Variants in GRM4 observed in about 807,000 individuals in gnomAD.
The protein encoded by GRM4 is metabotropic glutamate receptor 4.
In GRM4, 28 loss-of-function variants were observed where a neutral mutation model predicts 81.7. The observed-to-expected ratio is 0.34, with a 90% CI of 0.25 to 0.47. The LOEUF (loss-of-function observed/expected upper bound fraction) is 0.47. GRM4 is among the 20% of genes least tolerant of loss of function. The probability of loss-of-function intolerance (pLI) is 1.00; values close to 1 mark genes in which losing one functional copy is unlikely to be tolerated. For missense variants in GRM4, 948 were observed against 1,290.0 expected (o/e 0.73, Z 4.06); for synonymous variants, 488 against 528.8 (o/e 0.92, Z 1.06).
At position 34,152,901 on chromosome 6, in the gene GRM4, G is replaced by A. The variant is rs1358863781; in HGVS notation, c.312+2178C>T. 6.6e-6 allele frequency among the ~76,000 whole-genome samples: 1 copy of A among 152,088 alleles called. No homozygotes were observed. Among genetic ancestry groups the A allele is most frequent in the Non-Finnish European group, 1.5e-5 (1 of 68,002 alleles). On this transcript the variant is annotated intron_variant, in intron 1 of 8. Transcript: ENST00000374177. This position sits in a 1 kb window ranked among gnomAD's most constrained non-coding sequence, Gnocchi z 4.1. ...GGGCATCTCAGGAGGGCCAGGGCCTGCAGAGACCCAGGCTGGGGGTGGAGT... is the reference window on the plus strand; with the variant it reads ...GGGCATCTCAGGAGGGCCAGGGCCTACAGAGACCCAGGCTGGGGGTGGAGT...
rs34256571 is a variant in GRM4, at chr6:34,070,792, CCACACACA to C, written c.737-8772_737-8765del. On this transcript the variant is annotated intron_variant, in intron 3 of 10. Transcript: ENST00000538487. The surrounding 1 kb of genome is among the most constrained non-coding windows in gnomAD (Gnocchi z 4.6). ...CACCACACCCCCGCCACACCCCCAG[CCACACACA>C]CACACACACACACACACACGGCAAT... is the stretch of plus-strand genomic sequence containing the variant. 5.2e-5 allele frequency among the ~76,000 whole-genome samples: 7 copies of C among 135,400 alleles called. No homozygotes were observed. The highest frequency in any genetic ancestry group is 2.2e-4 in the East Asian group (1 of 4,514). The allele number at this position is 135,400 out of a possible 152,430, so 88.8% of individuals were successfully genotyped here.
At chr6:34,154,984 G>T in intron 1 of GRM4, 1 of 1,068,544 alleles carries the variant, frequency 9.4e-7, no homozygotes, top group Non-Finnish European at 1.3e-6. Flanking sequence ...GCGGGTCCGA[G>T]CGGGACCCAG....
chr6:34,053,674 C>A (rs374068861), intron 6 of GRM4, among the ~76,000 whole-genome samples: 57 of 152,350 alleles, frequency 3.7e-4, no homozygotes, highest in East Asian at 3.1e-3. Flanking sequence ...CCCTTCCCTC[C>A]AAGCCAGAGG....
Position 34,133,630 on chromosome 6 carries a change from C to T in GRM4, c.-134G>A. On this transcript the variant is annotated 5_prime_UTR_variant, in exon 2 of 11. An upstream open reading frame in the 5' UTR gains an earlier in-frame stop. Transcript: ENST00000538487. The surrounding 1 kb of genome is among the most constrained non-coding windows in gnomAD (Gnocchi z 6.5). ...GACTGAGGGCAGCCAACCGCGTAGC[C>T]CATGCTGCTACCCTCTCCCACCTCC... is the stretch of plus-strand genomic sequence containing the variant. 1 of 1,437,330 alleles carries T rather than the reference C, an allele frequency of 7.0e-7. No homozygotes were observed. The highest frequency in any genetic ancestry group is 9.1e-7 in the Non-Finnish European group (1 of 1,101,820). The allele number at this position is 1,437,330 out of a possible 1,614,324, so 89.0% of individuals were successfully genotyped here. A position where few individuals can be genotyped will look rare whatever the true frequency, so the allele number is the denominator to read the frequency against.
At position 34,070,014 on chromosome 6, in the gene GRM4, C is replaced by T. The variant is rs568680544; in HGVS notation, c.737-7986G>A. Among the ~76,000 whole-genome samples the T allele has an allele frequency of 8.5e-5, 13 of 152,266 alleles. No individual in the cohort carries two copies. Among genetic ancestry groups the T allele is most frequent in the South Asian group, 8.3e-4 (4 of 4,824 alleles). On this transcript the variant is annotated intron_variant, in intron 3 of 10. Transcript: ENST00000538487. This position sits in a 1 kb window ranked among gnomAD's most constrained non-coding sequence, Gnocchi z 4.6. ...ACGGCGGTAATCCACACTTGCTGGA[C>T]GAATGGAGAACTGAGTTCCTGACTG...
At position 34,033,704 on chromosome 6, in the gene GRM4, T is replaced by G. The variant is rs574324772; in HGVS notation, c.2442+1964A>C. Among the ~76,000 whole-genome samples, 34 of 151,960 alleles carry G rather than the reference T, an allele frequency of 2.2e-4. No homozygotes were observed. The South Asian group carries it at 6.7e-3, about 30-fold the overall frequency. ...CTTTCTCTCTCTCTCTCTCTTTCTCTTTCTTTCTCTCTCCCTCTCTCTCTC... is the reference window on the plus strand; with the variant it reads ...CTTTCTCTCTCTCTCTCTCTTTCTCGTTCTTTCTCTCTCCCTCTCTCTCTC... On this transcript the variant is annotated intron_variant, in intron 9 of 10. Coordinates refer to ENST00000538487, the MANE Select transcript of GRM4 (RefSeq NM_000841.4).
chr6:34,074,397 A>T lies in GRM4; in HGVS notation c.737-12369T>A, dbSNP rs1394085597. ...CCCTAGGGGATATTTTGGGGTGTGG[A>T]GGAGGATGCAGGCCTTGGAGGACCT... On this transcript the variant is annotated intron_variant, in intron 3 of 10. Transcript: ENST00000538487. The surrounding 1 kb of genome is among the most constrained non-coding windows in gnomAD (Gnocchi z 4.9). Among the ~76,000 whole-genome samples the T allele has an allele frequency of 1.3e-5, 2 of 152,146 alleles. No homozygotes were observed. Among genetic ancestry groups the T allele is most frequent in the Non-Finnish European group, 2.9e-5 (2 of 68,006 alleles).
rs995303396 is a variant in GRM4, at chr6:34,080,238, G to A, written c.736+11645C>T. 1.5e-4 allele frequency among the ~76,000 whole-genome samples: 23 copies of A among 152,200 alleles called. No individual in the cohort carries two copies. Among genetic ancestry groups the A allele is most frequent in the African/African-American group, 4.8e-4 (20 of 41,442 alleles). On this transcript the variant is annotated intron_variant, in intron 3 of 10. Coordinates refer to ENST00000538487, the MANE Select transcript of GRM4 (RefSeq NM_000841.4). The surrounding 1 kb of genome is among the most constrained non-coding windows in gnomAD (Gnocchi z 5.4). ...CCTGCAGAAAGCCAGGGTGAGGACC[G>A]AAAGGCCGTCAACCTTGCAGGGAAG...
chr6:34,145,256 G>C (rs903192268), intron 1 of GRM4, among the ~76,000 whole-genome samples: 4 of 151,668 alleles, frequency 2.6e-5, no homozygotes, highest in Non-Finnish European at 5.9e-5. Flanking sequence ...GCCGCCCGGA[G>C]TCCGGGACGC....
At chr6:34,129,924 T>C (rs1770171149) in intron 2 of GRM4, among the ~76,000 whole-genome samples, 1 of 152,112 alleles carries the variant, frequency 6.6e-6, no homozygotes, top group South Asian at 2.1e-4. Flanking sequence ...GAAGTCCACC[T>C]CTTGCAGGAA....
At chr6:34,145,512 C>T (rs893110537) in intron 1 of GRM4, among the ~76,000 whole-genome samples, 5 of 152,294 alleles carry the variant, frequency 3.3e-5, no homozygotes, top group African/African-American at 1.2e-4. Flanking sequence ...GGCCGAGGTA[C>T]GGGCGCCTGG....
chr6:34,046,983 C>T (rs972530947), intron 6 of GRM4, among the ~76,000 whole-genome samples: 1 of 152,076 alleles, frequency 6.6e-6, no homozygotes, highest in South Asian at 2.1e-4. Flanking sequence ...TGTCATGGAC[C>T]AAACAAACAC....
chr6:34,071,201 A>G (rs1766804433), intron 3 of GRM4, among the ~76,000 whole-genome samples: 1 of 149,590 alleles, frequency 6.7e-6, no homozygotes, highest in Non-Finnish European at 1.5e-5. Flanking sequence ...ACACAGACAC[A>G]CACCTATACA....
Position 34,101,705 on chromosome 6 carries a change from G to T in GRM4, c.520-9606C>A, listed in dbSNP as rs529273236. Among the ~76,000 whole-genome samples the T allele has an allele frequency of 1.3e-3, 191 of 152,364 alleles. 1 individual carries two copies. The highest frequency in any genetic ancestry group is 4.4e-3 in the African/African-American group (183 of 41,586). On this transcript the variant is annotated intron_variant, in intron 2 of 10. Transcript: ENST00000538487. ...GTCTCCAACACAAAAGATCGGGCAG[G>T]AGCCCTGGAAGGTTGTGTAAAACGG...
intron 2 of GRM4, among the ~76,000 whole-genome samples, chr6:34,097,079 G>A (rs1193255942): frequency 6.6e-6 from 1 of 152,224 alleles, no homozygotes; most frequent in African/African-American, 2.4e-5. Flanking sequence ...TGAGGGCTGG[G>A]GATGGACTAT....
chr6:34,060,177 T>A (rs1314240589), intron 4 of GRM4: 1 of 152,078 alleles, frequency 6.6e-6, no homozygotes, highest in Non-Finnish European at 1.5e-5. Context: ...GTCCATCTCA[T>A]CCCACCCCAC....
In GRM4 at chr6:34,089,479, G is replaced by A. The variant is rs796431656; in HGVS notation, c.736+2404C>T. Reference sequence around the variant, plus strand: ...AGACCTAGCTGCCTGAACTGCCCTGGCCAGGCCCCCGTAGGATGTTGCACA... The same window carrying A: ...AGACCTAGCTGCCTGAACTGCCCTGACCAGGCCCCCGTAGGATGTTGCACA... On this transcript the variant is annotated intron_variant, in intron 3 of 10. Coordinates refer to ENST00000538487, the MANE Select transcript of GRM4 (RefSeq NM_000841.4). This position sits in a 1 kb window ranked among gnomAD's most constrained non-coding sequence, Gnocchi z 4.3. 5.9e-5 allele frequency among the ~76,000 whole-genome samples: 9 copies of A among 152,054 alleles called. No homozygotes were observed. The highest frequency in any genetic ancestry group is 2.2e-4 in the African/African-American group (9 of 41,482).
intron 2 of GRM4, among the ~76,000 whole-genome samples, chr6:34,101,341 T>C (rs1051475593): frequency 6.6e-6 from 1 of 152,228 alleles, no homozygotes; most frequent in Admixed American, 6.5e-5. Context: ...GGTACAGAGA[T>C]GTTAAGTCAC....
At chr6:34,077,924 T>C (rs113004385) in intron 3 of GRM4, among the ~76,000 whole-genome samples, 2,390 of 152,202 alleles carry the variant, frequency 0.016, 44 homozygotes, top group Middle Eastern at 0.054. Context: ...GATGCCTCTG[T>C]GCCCACCAGC....
Sources: gnomAD v4.1 joint callset for allele counts (sites outside exome capture counted in the v4.1 genomes callset) on GRCh38, gnomAD v4.1.1 for gene constraint, Gnocchi (gnomAD v3.1) non-coding constraint, MANE v1.5 for transcripts, NCBI Gene and HGNC (gene_info 2026-07-23, HGNC 2026-07-21) for gene names.